MYH13: variants seen among roughly 807,000 people sequenced by gnomAD.
The protein encoded by MYH13 is myosin heavy chain 13.
In MYH13, 177 loss-of-function variants were observed where a neutral mutation model predicts 232.1. That is an observed-to-expected ratio of 0.76 (90% CI 0.67 to 0.86). The LOEUF is 0.86. Ranked by LOEUF, MYH13 falls within the 40% of genes least tolerant of loss-of-function variation. The pLI is 0.00. For synonymous variants in MYH13, 884 were observed against 923.5 expected, an observed-to-expected ratio of 0.96 and a Z score of 0.78; for missense variants, 2,246 against 2,405.9, an observed-to-expected ratio of 0.93 and a Z score of 1.39.
Position 10,330,095 on chromosome 17 carries a change from C to T in MYH13, c.2435+292G>A, listed in dbSNP as rs1002826849. The stretch of plus-strand genomic sequence containing the variant: ...AATCAGGCTGGGGGCTTATTCTTGC[C>T]AGTTCCCTATCCCCCGACTATAACT... On this transcript the variant is annotated intron_variant, in intron 21 of 40. Transcript: ENST00000252172. 3.3e-5 allele frequency among the ~76,000 whole-genome samples: 5 copies of T among 152,122 alleles called. No homozygotes were observed. In the East Asian group the frequency reaches 9.6e-4, roughly 29 times the overall value.
intron 18 of MYH13, among the ~76,000 whole-genome samples, chr17:10,339,377 T>C (rs914623345): frequency 2.0e-5 from 3 of 152,258 alleles, no homozygotes; most frequent in Non-Finnish European, 4.4e-5. Context: ...CAGGGTTCTG[T>C]ATTTATATAT....
intron 18 of MYH13, among the ~76,000 whole-genome samples, chr17:10,333,895 T>G (rs1597381847): frequency 1.0e-4 from 14 of 140,122 alleles, no homozygotes; most frequent in South Asian, 2.2e-4. Context: ...GCAAGAAGAG[T>G]GAAACTGCAC....
chr17:10,313,364 A>T lies in MYH13; in HGVS notation c.3985-10T>A. 1 of 1,614,052 alleles carries T rather than the reference A, an allele frequency of 6.2e-7. No homozygotes were observed. Among genetic ancestry groups the T allele is most frequent in the East Asian group, 2.2e-5 (1 of 44,890 alleles). On this transcript the variant is annotated splice_polypyrimidine_tract_variant and intron_variant, in intron 29 of 40. Coordinates refer to ENST00000252172, the MANE Select transcript of MYH13 (RefSeq NM_003802.3). The stretch of plus-strand genomic sequence containing the variant: ...CCATGGCGTTCTTGGCCTGGGAATG[A>T]CAGCGGTGACAAATTGCAAAAACAT...
At chr17:10,363,250 AGCTT>A (rs1308292775) in intron 3 of MYH13, among the ~76,000 whole-genome samples, 1 of 141,358 alleles carries the variant, frequency 7.1e-6, no homozygotes, top group African/African-American at 2.7e-5. Flanking sequence ...CGGGAGGCGG[AGCTT>A]GCAGTGAGCC....
At chr17:10,335,876 A>G (rs552018701) in intron 18 of MYH13, among the ~76,000 whole-genome samples, 2 of 152,302 alleles carry the variant, frequency 1.3e-5, no homozygotes, top group South Asian at 4.2e-4. Context: ...CCGGGAGCAG[A>G]GAGAAAAAGG....
At chr17:10,302,707 AG>A (rs1906136483) in intron 39 of MYH13, among the ~76,000 whole-genome samples, 1 of 152,082 alleles carries the variant, frequency 6.6e-6, no homozygotes, top group South Asian at 2.1e-4. Flanking sequence ...ATTTGATCAA[AG>A]GGTGGATGAA....
chr17:10,319,229 C>T, intron 26 of MYH13, 50 bp from the exon 27 acceptor site: 1 of 1,561,960 alleles, frequency 6.4e-7, no homozygotes, highest in Non-Finnish European at 8.7e-7. Context: ...GGGGGCAGCC[C>T]CCTTTGAGAG....
At chr17:10,372,283 G>T (rs753689572) in intron 1 of MYH13, among the ~76,000 whole-genome samples, 1 of 152,072 alleles carries the variant, frequency 6.6e-6, no homozygotes, top group Non-Finnish European at 1.5e-5. Context: ...TTGGGTTTCT[G>T]TTTCCTTCCG....
Position 10,364,437 on chromosome 17 carries a change from A to G in MYH13, c.94T>C (p.Phe32Leu), listed in dbSNP as rs2071817450. The G allele has an allele frequency of 5.6e-6, 9 of 1,613,494 alleles. No individual in the cohort carries two copies. Among genetic ancestry groups the G allele is most frequent in the Non-Finnish European group, 7.6e-6 (9 of 1,179,714 alleles). Residue 32 changes from phenylalanine to leucine, a missense_variant, in exon 3 of 41, where the codon TTC (phenylalanine) becomes CTC (leucine). Transcript: ENST00000252172. ...ACAAAGCAGGCTTTCTTGGAATCGA[A>G]TGGACGATTTTGAGCCTCGATTCTC... ...KERIEAQNRPFDSKKACFVAD... is the reference protein window; with the variant it reads ...KERIEAQNRPLDSKKACFVAD...
intron 3 of MYH13, among the ~76,000 whole-genome samples, chr17:10,363,332 A>AG: frequency 1.3e-5 from 2 of 151,746 alleles, no homozygotes; most frequent in Non-Finnish European, 2.9e-5. Flanking sequence ...AAAAAAAAAA[A>AG]AAAATAGGGC....
At chr17:10,333,782 C>A (rs1042222436) in intron 18 of MYH13, among the ~76,000 whole-genome samples, 7 of 152,060 alleles carry the variant, frequency 4.6e-5, no homozygotes, top group African/African-American at 1.7e-4. Context: ...GTGGCACACA[C>A]TTGTAATCCC....
intron 31 of MYH13, 98 bp from the exon 32 acceptor site, chr17:10,312,174 C>T: frequency 7.3e-7 from 1 of 1,369,126 alleles, no homozygotes; most frequent in Non-Finnish European, 1.0e-6. Flanking sequence ...ACGTTTTGCC[C>T]TTCCATCCTT....
At chr17:10,339,830 C>T (rs2071607186) in intron 18 of MYH13, among the ~76,000 whole-genome samples, 1 of 152,092 alleles carries the variant, frequency 6.6e-6, no homozygotes, top group African/African-American at 2.4e-5. Flanking sequence ...TTTAATATGG[C>T]ATTTGGTTTT....
intron 22 of MYH13, among the ~76,000 whole-genome samples, chr17:10,326,768 C>T (rs12946984): frequency 0.6 from 89,411 of 150,232 alleles, 26,922 homozygotes; most frequent in Non-Finnish European, 0.66. Flanking sequence ...TGAGCCACCG[C>T]GTCCAGCCTA....
In MYH13 at chr17:10,345,240, C is replaced by T. The variant is rs201933344; in HGVS notation, c.1546G>A (p.Gly516Arg). 255 of 1,614,128 alleles carry T rather than the reference C, an allele frequency of 1.6e-4. No homozygotes were observed. Among genetic ancestry groups the T allele is most frequent in the Non-Finnish European group, 1.9e-4 (227 of 1,180,018 alleles). ...EGIEWEFIDF[G>R]MDLAACIELI... Reference sequence around the variant, plus strand: ...TCGATGCAGGCAGCCAGGTCCATTCCGAAGTCAATGAACTCCCACTCGATG... The same window carrying T: ...TCGATGCAGGCAGCCAGGTCCATTCTGAAGTCAATGAACTCCCACTCGATG... Residue 516 changes from glycine (G) to arginine (R), a missense_variant, in exon 15 of 41, where the codon GGA (glycine) becomes AGA (arginine). Coordinates refer to ENST00000252172, the MANE Select transcript of MYH13 (RefSeq NM_003802.3).
rs747549130 is a variant in MYH13 at position 10,320,159 on chromosome 17, T to G, written c.3342A>C (p.Glu1114Asp). The G allele has an allele frequency of 1.9e-6, 3 of 1,583,118 alleles. No individual in the cohort carries two copies. Among genetic ancestry groups the G allele is most frequent in the Non-Finnish European group, 2.6e-6 (3 of 1,163,232 alleles). The change falls in exon 26 of 41, where the codon GAA becomes GAC. Residue 1114 changes from glutamate to aspartate, a missense_variant. Transcript: ENST00000252172. ...AAGGTTTTGATGCTTTTACTTGCAG[T>G]TCTTTAATCTTCTTTTGAAACTGCA... ...HSLQFQKKIKELQARIEELEE... is the reference protein window; with the variant it reads ...HSLQFQKKIKDLQARIEELEE...
intron 29 of MYH13, among the ~76,000 whole-genome samples, chr17:10,315,417 G>A (rs983551250): frequency 3.3e-5 from 5 of 152,154 alleles, no homozygotes; most frequent in African/African-American, 7.2e-5. Flanking sequence ...TCAGCCTCCC[G>A]AGTAGCTGGG....
intron 8 of MYH13, 111 bp from the exon 9 acceptor site, chr17:10,355,258 A>T: frequency 8.5e-7 from 1 of 1,171,704 alleles, no homozygotes; most frequent in Non-Finnish European, 1.2e-6. Context: ...AATGCTAGAG[A>T]ACAGAACTGA....
chr17:10,319,247 G>A, intron 26 of MYH13, 68 bp from the exon 27 acceptor site: 1 of 1,511,584 alleles, frequency 6.6e-7, no homozygotes, highest in Non-Finnish European at 8.8e-7. Flanking sequence ...GAGGGGCTGG[G>A]TGTTGAGGAA....
Sources: allele counts gnomAD v4.1 joint callset (sites outside exome capture counted in the v4.1 genomes callset), GRCh38; gene constraint gnomAD v4.1.1; transcripts MANE v1.5; gene names NCBI Gene and HGNC (gene_info 2026-07-23, HGNC 2026-07-21).